The following RAI14 variants were observed in gnomAD, a reference collection of about 807,000 sequenced individuals.
RAI14 encodes the protein ankycorbin.
Under a neutral mutation model 115.4 loss-of-function variants are expected in RAI14, and 45 were observed. The ratio of observed to expected loss-of-function variants is 0.39; its 90% confidence interval spans 0.31 to 0.50. The LOEUF (loss-of-function observed/expected upper bound fraction) is 0.50. Among genes scored for constraint, RAI14 ranks in the 20% least tolerant of loss-of-function variants. The pLI is 0.85. For synonymous variants in RAI14, 371 were observed against 415.4 expected, an observed-to-expected ratio of 0.89 and a Z score of 1.30; for missense variants, 939 against 1,131.2, an observed-to-expected ratio of 0.83 and a Z score of 2.44.
intron 2 of RAI14, among the ~76,000 whole-genome samples, chr5:34,734,160 C>G (rs532931082): frequency 6.6e-6 from 1 of 152,210 alleles, no homozygotes; most frequent in African/African-American, 2.4e-5. Context: ...TGTTGGTCTT[C>G]CCCTCTTTAG....
Position 34,823,764 on chromosome 5 carries a change from T to A in RAI14, c.1922T>A (p.Leu641His). The A allele has an allele frequency of 1.2e-6, 2 of 1,614,104 alleles. No homozygotes were observed. The highest frequency in any genetic ancestry group is 1.7e-6 in the Non-Finnish European group (2 of 1,180,008). Residue 641 changes from leucine to histidine, a missense_variant, in exon 15 of 18, where the codon CTC becomes CAC. Coordinates refer to ENST00000265109, the MANE Select transcript of RAI14 (RefSeq NM_015577.3). The surrounding 1 kb of genome is among the most constrained non-coding windows in gnomAD (Gnocchi z 4.5). ...GCCATGAATAGGATGATAGATGAAC[T>A]CAATAAACAGGTGAGCGAGCTGTCA... ...KEAMNRMIDE[L>H]NKQVSELSQL...
At chr5:34,830,055 G>A (rs1054212017) in intron 17 of RAI14, among the ~76,000 whole-genome samples, 1 of 151,986 alleles carries the variant, frequency 6.6e-6, no homozygotes, top group African/African-American at 2.4e-5. Flanking sequence ...GCATAATCTC[G>A]CCTCACTGCA....
At chr5:34,808,271 C>CG in intron 6 of RAI14, among the ~76,000 whole-genome samples, 1 of 152,210 alleles carries the variant, frequency 6.6e-6, no homozygotes, top group South Asian at 2.1e-4. Flanking sequence ...TGACACTGAA[C>CG]TATGAGTGAT....
At chr5:34,687,888 G>T (rs970486886) in intron 2 of RAI14, among the ~76,000 whole-genome samples, 1 of 152,126 alleles carries the variant, frequency 6.6e-6, no homozygotes, top group African/African-American at 2.4e-5. Flanking sequence ...TATGTAACTT[G>T]CATACCTACT....
At chr5:34,796,227 T>G (rs1351699749) in intron 4 of RAI14, among the ~76,000 whole-genome samples, 200 bp downstream of exon 4, 2 of 152,114 alleles carry the variant, frequency 1.3e-5, no homozygotes, top group African/African-American at 4.8e-5. Flanking sequence ...AAAACCCATC[T>G]CTACTAAAAA....
At chr5:34,778,763 A>G (rs548355794) in intron 3 of RAI14, among the ~76,000 whole-genome samples, 2 of 81,136 alleles carry the variant, frequency 2.5e-5, no homozygotes, top group African/African-American at 3.7e-5. Flanking sequence ...TAAAGAAAGG[A>G]AAAAAAAAAA....
chr5:34,656,571 G>A (rs1210745329), intron 1 of RAI14, 96 bp downstream of exon 1: 1 of 152,452 alleles, frequency 6.6e-6, no homozygotes. Flanking sequence ...GGAGGCGCTG[G>A]GGACGGCGCC....
At chr5:34,717,501 G>T (rs968613287) in intron 2 of RAI14, among the ~76,000 whole-genome samples, 2 of 152,196 alleles carry the variant, frequency 1.3e-5, no homozygotes, top group South Asian at 2.1e-4. Flanking sequence ...TTTTGGGCGG[G>T]GGGGAATCCT....
intron 4 of RAI14, among the ~76,000 whole-genome samples, chr5:34,800,511 T>C (rs2150224581): frequency 6.6e-6 from 1 of 152,214 alleles, no homozygotes; most frequent in African/African-American, 2.4e-5. Context: ...GTCCAGAAAA[T>C]TTTGCATTTG....
intron 1 of RAI14, among the ~76,000 whole-genome samples, chr5:34,674,110 A>G (rs1743808082): frequency 6.6e-6 from 1 of 152,072 alleles, no homozygotes; most frequent in South Asian, 2.1e-4. Flanking sequence ...TGGACTGCAG[A>G]CAAAAAAAAA....
At chr5:34,682,246 A>G (rs945129252) in intron 1 of RAI14, among the ~76,000 whole-genome samples, 2 of 152,140 alleles carry the variant, frequency 1.3e-5, no homozygotes, top group African/African-American at 4.8e-5. Flanking sequence ...GATATCATTC[A>G]TATACCATTC....
chr5:34,812,964 C>A (rs549044601), intron 10 of RAI14, among the ~76,000 whole-genome samples: 1 of 152,176 alleles, frequency 6.6e-6, no homozygotes, highest in East Asian at 1.9e-4. Flanking sequence ...TGGTGTTACA[C>A]AAAGTAGAAA....
intron 1 of RAI14, among the ~76,000 whole-genome samples, chr5:34,667,761 C>A (rs953957152): frequency 6.6e-6 from 1 of 152,012 alleles, no homozygotes; most frequent in South Asian, 2.1e-4. Flanking sequence ...CAGGGGAGGC[C>A]AATGGCATTG....
At chr5:34,810,220 G>A (rs1047835771) in intron 7 of RAI14, among the ~76,000 whole-genome samples, 8 of 151,840 alleles carry the variant, frequency 5.3e-5, no homozygotes, top group Non-Finnish European at 1.0e-4. Flanking sequence ...ACTCACTGTC[G>A]ATGGATTTAT....
chr5:34,785,843 A>G (rs1446068053), intron 3 of RAI14, among the ~76,000 whole-genome samples: 2 of 152,172 alleles, frequency 1.3e-5, no homozygotes, highest in African/African-American at 4.8e-5. Flanking sequence ...TCTGCTTTCC[A>G]GGGAACAGAA....
At chr5:34,663,512 G>T (rs1017304730) in intron 1 of RAI14, among the ~76,000 whole-genome samples, 2 of 152,058 alleles carry the variant, frequency 1.3e-5, no homozygotes, top group African/African-American at 2.4e-5. Flanking sequence ...GTGAGACCCT[G>T]TCTAAAAAAA....
chr5:34,802,670 A>G (rs1024021799), intron 4 of RAI14, among the ~76,000 whole-genome samples: 2 of 152,154 alleles, frequency 1.3e-5, no homozygotes, highest in Non-Finnish European at 2.9e-5. Flanking sequence ...TTATATTCTC[A>G]TGGGGGAAAA....
intron 7 of RAI14, among the ~76,000 whole-genome samples, chr5:34,810,531 A>G (rs1430437855): frequency 6.6e-6 from 1 of 152,226 alleles, no homozygotes; most frequent in Non-Finnish European, 1.5e-5. Flanking sequence ...TTTGATACAT[A>G]GCAAGATTAC....
chr5:34,793,487 C>A (rs1753166018), intron 3 of RAI14, among the ~76,000 whole-genome samples: 1 of 147,786 alleles, frequency 6.8e-6, no homozygotes, highest in Non-Finnish European at 1.5e-5. Flanking sequence ...TTCTGGGGTG[C>A]TAGCAGGAGG....
Sources: allele counts gnomAD v4.1 joint callset (sites outside exome capture counted in the v4.1 genomes callset), GRCh38; gene constraint gnomAD v4.1.1; non-coding constraint Gnocchi (gnomAD v3.1); transcripts MANE v1.5; gene names NCBI Gene and HGNC (gene_info 2026-07-23, HGNC 2026-07-21).